Variants in RNF216 observed in about 807,000 individuals in gnomAD.
RNF216 encodes the protein E3 ubiquitin-protein ligase RNF216.
A neutral mutation model predicts 110.8 loss-of-function variants in RNF216; 72 were observed. That is an observed-to-expected ratio of 0.65 (90% CI 0.54 to 0.79). The LOEUF (loss-of-function observed/expected upper bound fraction) is 0.79, where lower values mean the gene tolerates loss of function less well. Among genes scored for constraint, RNF216 ranks in the 30% least tolerant of loss-of-function variants. RNF216 has a pLI of 0.00. For synonymous variants in RNF216, 495 were observed against 407.5 expected (o/e 1.21, Z -2.59); for missense variants, 1,342 against 1,141.2 (o/e 1.18, Z -2.54).
At chr7:5,708,903 GAGGTGC>G (rs1792476060) in intron 13 of RNF216, among the ~76,000 whole-genome samples, 1 of 152,100 alleles carries the variant, frequency 6.6e-6, no homozygotes, top group Non-Finnish European at 1.5e-5. Flanking sequence ...AGCAGCCTTC[GAGGTGC>G]ACTGGACTCT....
At chr7:5,644,026 T>C (rs1345024785) in intron 14 of RNF216, among the ~76,000 whole-genome samples, 1 of 152,228 alleles carries the variant, frequency 6.6e-6, no homozygotes, top group Non-Finnish European at 1.5e-5. Flanking sequence ...CGATACTTCA[T>C]TCCTTTTTAT....
At chr7:5,673,829 TAGAG>T (rs993626691) in intron 13 of RNF216, among the ~76,000 whole-genome samples, 7 of 150,390 alleles carry the variant, frequency 4.7e-5, no homozygotes. Context: ...CTAGGAAAGA[TAGAG>T]AGACCTCCAT....
Position 5,680,951 on chromosome 7 carries a change from T to C in RNF216, c.2062-28441A>G, listed in dbSNP as rs1282029238. On this transcript the variant is annotated intron_variant, in intron 13 of 16. Coordinates refer to ENST00000389902, the MANE Select transcript of RNF216 (RefSeq NM_207111.4). The surrounding 1 kb of genome is among the most constrained non-coding windows in gnomAD (Gnocchi z 4.3). ...GGTCCAAAACCCAGCCTAGATCCCCTCTGGCTGGGCCATGGCGGAGAGCCT... is the reference window on the plus strand; with the variant it reads ...GGTCCAAAACCCAGCCTAGATCCCCCCTGGCTGGGCCATGGCGGAGAGCCT... Among the ~76,000 whole-genome samples the C allele has an allele frequency of 1.3e-5, 2 of 152,138 alleles. No individual in the cohort carries two copies. The highest frequency in any genetic ancestry group is 2.1e-4 in the South Asian group (1 of 4,820).
chr7:5,776,311 C>A (rs538886008), intron 1 of RNF216, among the ~76,000 whole-genome samples: 1 of 151,744 alleles, frequency 6.6e-6, no homozygotes, highest in Non-Finnish European at 1.5e-5. Flanking sequence ...TAGCCGGGCA[C>A]GGTGGCTCAA....
rs564042091 is a variant in RNF216, at chr7:5,674,356, A to T, written c.2062-21846T>A. 2.0e-5 allele frequency among the ~76,000 whole-genome samples: 3 copies of T among 151,864 alleles called. No individual in the cohort carries two copies. The East Asian group carries it at 5.8e-4, about 29-fold the overall frequency. On this transcript the variant is annotated intron_variant, in intron 13 of 16. Coordinates refer to ENST00000389902, the MANE Select transcript of RNF216 (RefSeq NM_207111.4). ...AAATTTTTAGTACAGATGGGATTTCACCACATTGGCCATGCTAGTCTCAAA... is the reference window on the plus strand; with the variant it reads ...AAATTTTTAGTACAGATGGGATTTCTCCACATTGGCCATGCTAGTCTCAAA...
chr7:5,728,019 A>C (rs1458906740), intron 7 of RNF216, among the ~76,000 whole-genome samples: 1 of 151,900 alleles, frequency 6.6e-6, no homozygotes, highest in Non-Finnish European at 1.5e-5. Context: ...AATTATTTTT[A>C]CTCAGATGTC....
intron 15 of RNF216, among the ~76,000 whole-genome samples, chr7:5,636,367 A>C (rs929144417): frequency 2.6e-5 from 4 of 152,162 alleles, no homozygotes; most frequent in South Asian, 2.1e-4. Context: ...CATTTTGATA[A>C]CTAACAGAGA....
At chr7:5,661,835 A>T (rs1465397866) in intron 13 of RNF216, among the ~76,000 whole-genome samples, 1 of 152,164 alleles carries the variant, frequency 6.6e-6, no homozygotes, top group Admixed American at 6.5e-5. Context: ...GTAAGAGAAA[A>T]AGAAGGCTCA....
intron 5 of RNF216, among the ~76,000 whole-genome samples, chr7:5,736,956 C>G (rs1794454677): frequency 6.6e-6 from 1 of 152,092 alleles, no homozygotes; most frequent in Non-Finnish European, 1.5e-5. Flanking sequence ...GGGAGCACCT[C>G]TGCCCGGCTG....
intron 1 of RNF216, among the ~76,000 whole-genome samples, chr7:5,775,661 G>T (rs1343333129): frequency 2.0e-5 from 3 of 152,044 alleles, no homozygotes; most frequent in African/African-American, 4.8e-5. Flanking sequence ...TTTGAGGTCA[G>T]GAGTTCAAGA....
At chr7:5,725,186 A>G (rs1188566022) in intron 8 of RNF216, 138 bp downstream of exon 8, 5 of 527,324 alleles carry the variant, frequency 9.5e-6, no homozygotes, top group Non-Finnish European at 1.7e-5. Context: ...CTGAGAAAAT[A>G]GTTCCTGTCA....
chr7:5,649,169 G>C (rs571828915), intron 14 of RNF216, among the ~76,000 whole-genome samples: 24 of 152,206 alleles, frequency 1.6e-4, no homozygotes, highest in African/African-American at 5.5e-4. Flanking sequence ...ATCACTTGAG[G>C]TCAGGAGTTC....
intron 1 of RNF216, among the ~76,000 whole-genome samples, chr7:5,775,808 G>A (rs1393710555): frequency 6.6e-6 from 1 of 151,660 alleles, no homozygotes; most frequent in Non-Finnish European, 1.5e-5. Context: ...TGCAAAGCTT[G>A]CAGTGAGCCT....
rs775999162 is a variant in RNF216 at position 5,741,182 on chromosome 7, G to C, written c.835C>G (p.Pro279Ala). The C allele has an allele frequency of 1.2e-6, 2 of 1,614,014 alleles. No homozygotes were observed. The highest frequency in any genetic ancestry group is 2.7e-5 in the African/African-American group (2 of 74,904). The change falls in exon 4 of 17, where the codon CCC (proline) becomes GCC (alanine). Residue 279 changes from proline to alanine, a missense_variant. Transcript: ENST00000389902. ...FPGPAFPRPE[P>A]QQGGISGPSS... ...GGGCCTGAAATCCCACCTTGCTGGGGTTCCGGCCTTGGAAAAGCGGGCCCT... is the reference window on the plus strand; with the variant it reads ...GGGCCTGAAATCCCACCTTGCTGGGCTTCCGGCCTTGGAAAAGCGGGCCCT...
intron 7 of RNF216, among the ~76,000 whole-genome samples, chr7:5,728,850 G>A (rs943394662): frequency 6.6e-6 from 1 of 152,322 alleles, no homozygotes; most frequent in South Asian, 2.1e-4. Context: ...GTGCGCTCCT[G>A]TTCTGGCCAC....
intron 1 of RNF216, among the ~76,000 whole-genome samples, chr7:5,773,471 G>C (rs1015150988): frequency 2.0e-5 from 3 of 152,104 alleles, no homozygotes; most frequent in African/African-American, 7.2e-5. Flanking sequence ...TCAAACTCCT[G>C]ACCTCGTGAT....
intron 14 of RNF216, among the ~76,000 whole-genome samples, chr7:5,644,393 T>C (rs1262357489): frequency 2.0e-5 from 3 of 152,202 alleles, no homozygotes; most frequent in African/African-American, 7.2e-5. Flanking sequence ...TGAAGCGGTA[T>C]CTTATTATAG....
intron 5 of RNF216, among the ~76,000 whole-genome samples, chr7:5,733,313 A>T (rs1414076834): frequency 6.6e-6 from 1 of 152,194 alleles, no homozygotes. Flanking sequence ...TTTCTGAGTG[A>T]CACAAAAAGC....
chr7:5,746,410 G>A (rs1283249556), intron 3 of RNF216, among the ~76,000 whole-genome samples: 1 of 152,160 alleles, frequency 6.6e-6, no homozygotes, highest in Non-Finnish European at 1.5e-5. Context: ...ACAGAAATGT[G>A]GGTGCAACTC....
Sources: gnomAD v4.1 joint callset for allele counts (sites outside exome capture counted in the v4.1 genomes callset) on GRCh38, gnomAD v4.1.1 for gene constraint, Gnocchi (gnomAD v3.1) non-coding constraint, MANE v1.5 for transcripts, NCBI Gene and HGNC (gene_info 2026-07-23, HGNC 2026-07-21) for gene names.